CDC37: variants seen among roughly 807,000 people sequenced by gnomAD.
The protein encoded by CDC37 is hsp90 co-chaperone Cdc37.
CDC37 carries 9 observed loss-of-function variants against 46.9 expected under a neutral mutation model. The ratio of observed to expected loss-of-function variants is 0.19; its 90% CI spans 0.12 to 0.33. The LOEUF is 0.33. Ranked by LOEUF, CDC37 falls within the 10% of genes least tolerant of loss-of-function variation. CDC37 has a pLI of 1.00. For missense variants in CDC37, 388 were observed against 514.6 expected, an observed-to-expected ratio of 0.75 and a Z score of 2.38; for synonymous variants, 193 against 191.0, an observed-to-expected ratio of 1.01 and a Z score of -0.09.
At position 10,403,483 on chromosome 19, in the gene CDC37, G is replaced by C. The variant is rs2569788; in HGVS notation, c.-4C>G. ...CCCACACGCTGTAGTCCACCATCTTGCCTTGGCGGCCCAGCCCGCTCCGGC... is the reference window on the plus strand; with the variant it reads ...CCCACACGCTGTAGTCCACCATCTTCCCTTGGCGGCCCAGCCCGCTCCGGC... On this transcript the variant is annotated 5_prime_UTR_variant, in exon 1 of 8. Transcript: ENST00000222005. 2.5e-6 allele frequency: 4 copies of C among 1,610,138 alleles called. No individual in the cohort carries two copies. Among genetic ancestry groups the C allele is most frequent in the Non-Finnish European group, 3.4e-6 (4 of 1,177,578 alleles).
rs542556043 is a variant in CDC37 at position 10,399,517 on chromosome 19, G to A, written c.103-3314C>T. ...ATACCTCATGAGATAAACAGCAGCT[G>A]CAGGCTGGGCACAGTGACCCATGCC... On this transcript the variant is annotated intron_variant, in intron 1 of 7. Coordinates refer to ENST00000222005, the MANE Select transcript of CDC37 (RefSeq NM_007065.4). Among the ~76,000 whole-genome samples the A allele has an allele frequency of 4.1e-5, 6 of 146,348 alleles. No homozygotes were observed. The South Asian group carries it at 1.1e-3, about 26-fold the overall frequency.
chr19:10,403,267 G>T (rs905505118), intron 1 of CDC37, 111 bp downstream of exon 1: 6 of 769,366 alleles, frequency 7.8e-6, no homozygotes, highest in Non-Finnish European at 1.3e-5. Flanking sequence ...AATCCAGACT[G>T]GGGGGGTGAG....
chr19:10,402,354 C>G (rs770870331), intron 1 of CDC37, among the ~76,000 whole-genome samples: 13 of 151,504 alleles, frequency 8.6e-5, no homozygotes, highest in Admixed American at 1.3e-4. Context: ...CTGTTGTGGT[C>G]AGATAGAAGA....
Position 10,393,713 on chromosome 19 carries a change from A to C in CDC37, c.727-272T>G. On this transcript the variant is annotated intron_variant, in intron 5 of 7. Coordinates refer to ENST00000222005, the MANE Select transcript of CDC37 (RefSeq NM_007065.4). This position sits in a 1 kb window ranked among gnomAD's most constrained non-coding sequence, Gnocchi z 4.9. ...CCTGCATGGGCACCTCTAACTCAAC[A>C]TGGCCACCTCCCAGCCTGCCTTGTC... The C allele has an allele frequency of 1.7e-5, 7 of 401,848 alleles. No homozygotes were observed. The highest frequency in any genetic ancestry group is 1.8e-5 in the Non-Finnish European group (4 of 223,914). The allele number at this position is 401,848 out of a possible 1,614,324, so 24.9% of individuals were successfully genotyped here. A position where few individuals can be genotyped will look rare whatever the true frequency, so the allele number is the denominator to read the frequency against.
intron 2 of CDC37, 91 bp from the exon 3 acceptor site, chr19:10,395,634 C>A: frequency 9.5e-7 from 1 of 1,048,190 alleles, no homozygotes; most frequent in South Asian, 1.3e-5. Flanking sequence ...GCGCCCATCC[C>A]ATCCACGGCG....
intron 1 of CDC37, 144 bp downstream of exon 1, chr19:10,403,234 G>A: frequency 1.5e-6 from 1 of 649,024 alleles, no homozygotes; most frequent in Non-Finnish European, 2.7e-6. Context: ...CTGGGGTCCC[G>A]GAGTTGAATC....
chr19:10,391,488 T>A lies in CDC37; in HGVS notation c.*63A>T. On this transcript the variant is annotated 3_prime_UTR_variant, in exon 8 of 8. Transcript: ENST00000222005. ...TCAGGAGCGGGCGAGATGGCATCTA[T>A]CTGTTTTCTGAAAAGGGGCACATAG... 1 of 1,592,934 alleles carries A rather than the reference T, an allele frequency of 6.3e-7. No individual in the cohort carries two copies. The highest frequency in any genetic ancestry group is 8.6e-7 in the Non-Finnish European group (1 of 1,161,290).
intron 1 of CDC37, among the ~76,000 whole-genome samples, chr19:10,400,309 A>G (rs2042512197): frequency 6.6e-6 from 1 of 152,158 alleles, no homozygotes; most frequent in Admixed American, 6.5e-5. Context: ...AACCACTAAC[A>G]GCAGCTGTCT....
At chr19:10,395,197 T>C (rs2042480751) in intron 4 of CDC37, 31 bp downstream of exon 4, 1 of 1,613,474 alleles carries the variant, frequency 6.2e-7, no homozygotes, top group African/African-American at 1.3e-5. Context: ...TGGCAGCGCC[T>C]TTTCACAGTC....
chr19:10,395,887 G>A, intron 2 of CDC37, 41 bp downstream of exon 2: 1 of 1,596,566 alleles, frequency 6.3e-7, no homozygotes, highest in South Asian at 1.1e-5. Flanking sequence ...CAGGCTCTCT[G>A]GCTGCGCATG....
intron 2 of CDC37, 90 bp from the exon 3 acceptor site, chr19:10,395,633 C>A: frequency 9.6e-7 from 1 of 1,046,858 alleles, no homozygotes; most frequent in Non-Finnish European, 1.5e-6. Context: ...AGCGCCCATC[C>A]CATCCACGGC....
intron 1 of CDC37, among the ~76,000 whole-genome samples, chr19:10,400,007 C>G (rs924768749): frequency 9.9e-5 from 15 of 150,784 alleles, no homozygotes; most frequent in Non-Finnish European, 1.6e-4. Context: ...CTGTGTCACC[C>G]TGGAGCCTGC....
chr19:10,396,219 G>A lies in CDC37; in HGVS notation c.103-16C>T. The stretch of plus-strand genomic sequence containing the variant: ...CCACCCGGGCCTGCGGGCAGGGACG[G>A]CCTATCAACTCTGGGGAGTCGTCTG... On this transcript the variant is annotated splice_polypyrimidine_tract_variant and intron_variant, in intron 1 of 7. Coordinates refer to ENST00000222005, the MANE Select transcript of CDC37 (RefSeq NM_007065.4). This position sits in a 1 kb window ranked among gnomAD's most constrained non-coding sequence, Gnocchi z 5.9. 1 of 1,610,106 alleles carries A rather than the reference G, an allele frequency of 6.2e-7. No homozygotes were observed. Among genetic ancestry groups the A allele is most frequent in the South Asian group, 1.1e-5 (1 of 90,534 alleles).
chr19:10,393,071 G>A lies in CDC37; in HGVS notation c.981+15C>T, dbSNP rs371542066. On this transcript the variant is annotated intron_variant, in intron 7 of 7. Transcript: ENST00000222005. This position sits in a 1 kb window ranked among gnomAD's most constrained non-coding sequence, Gnocchi z 4.9. ...ACGGCCCGCCGGGAAGGCATGGGGC[G>A]CGGGGGTTACTCACGGTGGGGTCCA... 4.4e-5 allele frequency: 71 copies of A among 1,611,458 alleles called. No homozygotes were observed. The Middle Eastern group carries it at 6.6e-4, about 15-fold the overall frequency.
Position 10,393,468 on chromosome 19 carries a change from G to A in CDC37, c.727-27C>T, listed in dbSNP as rs779116774. Reference sequence around the variant, plus strand: ...TATGGGGGTTGGGCAGTGCTCACTGGACCTGGCCCAACGCTCAGGAGGGAC... The same window carrying A: ...TATGGGGGTTGGGCAGTGCTCACTGAACCTGGCCCAACGCTCAGGAGGGAC... On this transcript the variant is annotated intron_variant, in intron 5 of 7. Transcript: ENST00000222005. This position sits in a 1 kb window ranked among gnomAD's most constrained non-coding sequence, Gnocchi z 4.9. The A allele has an allele frequency of 4.4e-6, 7 of 1,594,870 alleles. No homozygotes were observed. The Admixed American group carries it at 6.9e-5, about 16-fold the overall frequency.
chr19:10,393,389 T>C lies in CDC37; in HGVS notation c.779A>G (p.Lys260Arg). ...CTTGGCACGGCCCCGCACACGCTCC[T>C]TGAAGGCTTCCAGCTCGTCGTTGAA... The part of the protein sequence containing the change: ...EGFNDELEAF[K>R]ERVRGRAKLR... Residue 260 changes from lysine to arginine, a missense_variant, in exon 6 of 8, where the codon AAG (lysine) becomes AGG (arginine). Coordinates refer to ENST00000222005, the MANE Select transcript of CDC37 (RefSeq NM_007065.4). This position sits in a 1 kb window ranked among gnomAD's most constrained non-coding sequence, Gnocchi z 4.9. The C allele has an allele frequency of 3.1e-6, 5 of 1,614,024 alleles. No homozygotes were observed. The highest frequency in any genetic ancestry group is 4.2e-6 in the Non-Finnish European group (5 of 1,179,996).
Position 10,396,141 on chromosome 19 carries a change from G to A in CDC37, c.165C>T (p.Arg55=), listed in dbSNP as rs759946976. The A allele has an allele frequency of 1.2e-5, 19 of 1,613,844 alleles. No homozygotes were observed. The highest frequency in any genetic ancestry group is 5.5e-5 in the South Asian group (5 of 91,082). ...KEKEELDRGC[R]ECKRKVAECQ... ...ACTCGGCCACCTTGCGCTTGCACTC[G>A]CGGCAGCCCCTGTCCAGTTCCTCCT... Residue 55 remains arginine (R), a synonymous_variant, in exon 2 of 8, where the codon CGC becomes CGT. Transcript: ENST00000222005. This position sits in a 1 kb window ranked among gnomAD's most constrained non-coding sequence, Gnocchi z 5.9.
In CDC37 at chr19:10,391,483, A is replaced by C; in HGVS notation, c.*68T>G. ...GGAAGTCAGGAGCGGGCGAGATGGCATCTATCTGTTTTCTGAAAAGGGGCA... is the reference window on the plus strand; with the variant it reads ...GGAAGTCAGGAGCGGGCGAGATGGCCTCTATCTGTTTTCTGAAAAGGGGCA... On this transcript the variant is annotated 3_prime_UTR_variant, in exon 8 of 8. Transcript: ENST00000222005. 1.3e-6 allele frequency: 2 copies of C among 1,582,604 alleles called. No homozygotes were observed. Among genetic ancestry groups the C allele is most frequent in the South Asian group, 2.2e-5 (2 of 90,270 alleles).
intron 1 of CDC37, among the ~76,000 whole-genome samples, chr19:10,401,348 T>A (rs551064433): frequency 1.3e-5 from 2 of 152,240 alleles, no homozygotes; most frequent in South Asian, 2.1e-4. Context: ...CTGCCTCCCT[T>A]ACATGCCACT....
Sources: gnomAD v4.1 joint callset for allele counts (sites outside exome capture counted in the v4.1 genomes callset) on GRCh38, gnomAD v4.1.1 for gene constraint, Gnocchi (gnomAD v3.1) non-coding constraint, MANE v1.5 for transcripts, NCBI Gene and HGNC (gene_info 2026-07-23, HGNC 2026-07-21) for gene names.